TTC19: variants seen among roughly 807,000 people sequenced by gnomAD.
TTC19 encodes the protein tetratricopeptide repeat protein 19, mitochondrial.
Under a neutral mutation model 49.5 loss-of-function variants are expected in TTC19, and 38 were observed. That is an observed-to-expected ratio of 0.77 (90% CI 0.59 to 1.01). The LOEUF (loss-of-function observed/expected upper bound fraction) is 1.01, where lower values mean the gene tolerates loss of function less well. Ranked by LOEUF, TTC19 falls within the 50% of genes least tolerant of loss-of-function variation. TTC19 has a pLI of 0.00. For missense variants in TTC19, 475 were observed against 477.7 expected, an observed-to-expected ratio of 0.99 and a Z score of 0.05; for synonymous variants, 204 against 185.2, an observed-to-expected ratio of 1.10 and a Z score of -0.83.
chr17:16,034,783 C>CT, intron 2 of TTC19: 1 of 1,613,166 alleles, frequency 6.2e-7, no homozygotes, highest in Non-Finnish European at 8.5e-7. Flanking sequence ...GAGGGCCTGT[C>CT]TTCCCAGGCC....
chr17:16,036,753 G>C (rs1321833628), intron 2 of TTC19, among the ~76,000 whole-genome samples: 1 of 152,158 alleles, frequency 6.6e-6, no homozygotes, highest in African/African-American at 2.4e-5. Context: ...GCTTGGATTA[G>C]GATTAGGTTT....
intron 2 of TTC19, chr17:16,041,048 G>A (rs2057466059): frequency 6.5e-6 from 1 of 153,426 alleles, no homozygotes; most frequent in South Asian, 2.0e-4. Context: ...CAACAGGTTT[G>A]AGGCAGCCTG....
At chr17:16,026,413 A>G (rs1971562174) in intron 8 of TTC19, 127 bp from the exon 9 acceptor site, 1 of 835,720 alleles carries the variant, frequency 1.2e-6, no homozygotes, top group East Asian at 2.7e-5. Flanking sequence ...AAAGAATGGT[A>G]TCCCTCATCT....
intron 2 of TTC19, among the ~76,000 whole-genome samples, chr17:16,044,187 A>AT (rs1489152890): frequency 6.6e-6 from 1 of 151,330 alleles, no homozygotes; most frequent in East Asian, 1.9e-4. Context: ...AAAAAAAAAA[A>AT]AGAAAGAAAG....
Position 16,028,735 on chromosome 17 carries a change from C to G in TTC19, c.*1213C>G. On this transcript the variant is annotated 3_prime_UTR_variant, in exon 10 of 10. Coordinates refer to ENST00000261647, the MANE Select transcript of TTC19 (RefSeq NM_017775.4). ...GACTGATAAACTGATACTTTTGGTT[C>G]GTATGTACATACTGGAAGAATCTTC... 2.4e-6 allele frequency: 1 copy of G among 423,858 alleles called. No individual in the cohort carries two copies. The highest frequency in any genetic ancestry group is 1.6e-5 in the South Asian group (1 of 63,378). The allele number at this position is 423,858 out of a possible 1,614,324, so 26.3% of individuals were successfully genotyped here. A position where few individuals can be genotyped will look rare whatever the true frequency, so the allele number is the denominator to read the frequency against.
chr17:16,003,982 G>A (rs1970819903), intron 5 of TTC19, 95 bp downstream of exon 5: 21 of 1,373,920 alleles, frequency 1.5e-5, no homozygotes, highest in Admixed American at 1.3e-4. Context: ...ACATGCTTTG[G>A]TCAGGAAAGG....
chr17:16,044,860 C>T, exon 3 of TTC19: 1 of 821,698 alleles, frequency 1.2e-6, no homozygotes, highest in Admixed American at 1.9e-5. Flanking sequence ...TGGGATCCTG[C>T]CCACTCCACT....
chr17:16,008,583 T>C (rs1970978415), intron 7 of TTC19, among the ~76,000 whole-genome samples: 2 of 152,170 alleles, frequency 1.3e-5, no homozygotes, highest in Non-Finnish European at 2.9e-5. Context: ...TTAGAATCCC[T>C]GCATGGACCT....
intron 4 of TTC19, 49 bp downstream of exon 4, chr17:16,002,880 A>G (rs1567576962): frequency 1.9e-6 from 3 of 1,553,534 alleles, no homozygotes; most frequent in Non-Finnish European, 2.7e-6. Context: ...GAGTAGCTTC[A>G]AGGGAACTGT....
chr17:16,037,902 C>T (rs2056747959), intron 2 of TTC19, among the ~76,000 whole-genome samples: 1 of 152,136 alleles, frequency 6.6e-6, no homozygotes, highest in Non-Finnish European at 1.5e-5. Flanking sequence ...CAAATTTTTT[C>T]CTCAGCCCCA....
rs769843511 is a variant in TTC19, at chr17:16,027,579, C to T, written c.*57C>T. On this transcript the variant is annotated 3_prime_UTR_variant, in exon 10 of 10. Transcript: ENST00000261647. ...GTAATGTGGAAGAATAGCTATCATT[C>T]CTGTCTCTGTGGCACCCGATCAATG... is the stretch of plus-strand genomic sequence containing the variant. 1.3e-6 allele frequency: 2 copies of T among 1,592,546 alleles called. No homozygotes were observed. Among genetic ancestry groups the T allele is most frequent in the Admixed American group, 1.7e-5 (1 of 59,898 alleles).
chr17:16,040,103 A>C (rs920742821), intron 2 of TTC19: 1 of 490,156 alleles, frequency 2.0e-6, no homozygotes, highest in African/African-American at 1.9e-5. Flanking sequence ...AGACCATCTT[A>C]ATCCACAGAT....
At chr17:16,032,355 G>A (rs2151755529), downstream of TTC19, 1 of 1,614,024 alleles carries the variant, frequency 6.2e-7, no homozygotes, top group Non-Finnish European at 8.5e-7. Context: ...GCAGGCTCTC[G>A]CTCCCAGATC....
At position 16,027,857 on chromosome 17, in the gene TTC19, C is replaced by T. The variant is rs117087989; in HGVS notation, c.*335C>T. On this transcript the variant is annotated 3_prime_UTR_variant, in exon 10 of 10. Transcript: ENST00000261647. Reference sequence around the variant, plus strand: ...GTGCGCTGTGGGTGTGGTGATTCAGCCTGGCATTTCTACCATAAGTTTTTG... The same window carrying T: ...GTGCGCTGTGGGTGTGGTGATTCAGTCTGGCATTTCTACCATAAGTTTTTG... The T allele has an allele frequency of 7.7e-3, 3,676 of 474,376 alleles. 31 individuals carry two copies. Among genetic ancestry groups the T allele is most frequent in the Non-Finnish European group, 0.01 (2,431 of 239,694 alleles). The allele number at this position is 474,376 out of a possible 1,614,324, so 29.4% of individuals were successfully genotyped here.
At chr17:16,037,345 G>GC (rs1216166451) in intron 2 of TTC19, among the ~76,000 whole-genome samples, 2 of 152,042 alleles carry the variant, frequency 1.3e-5, no homozygotes, top group East Asian at 3.9e-4. Context: ...ACAAAGGAGA[G>GC]CCCATGCTAT....
chr17:16,038,779 G>A (rs2034141470), intron 2 of TTC19, among the ~76,000 whole-genome samples: 1 of 151,660 alleles, frequency 6.6e-6, no homozygotes, highest in African/African-American at 2.4e-5. Context: ...GTCTGTGTAT[G>A]TATGTATTTT....
At chr17:16,032,279 C>T (rs1246699829), downstream of TTC19, 5 of 1,590,880 alleles carry the variant, frequency 3.1e-6, no homozygotes, top group Admixed American at 1.8e-5. Flanking sequence ...CACCCTGTTC[C>T]CCTCACTTTG....
rs1346059938 is a variant in TTC19, at chr17:16,014,220, C to G, written c.676+7652C>G. On this transcript the variant is annotated intron_variant, in intron 7 of 9. Coordinates refer to ENST00000261647, the MANE Select transcript of TTC19 (RefSeq NM_017775.4). Reference sequence around the variant, plus strand: ...TCTCCAAGTAGATTTGTCCTTACTTCTCATTGGTTAGAATTGGGTTACATG... The same window carrying G: ...TCTCCAAGTAGATTTGTCCTTACTTGTCATTGGTTAGAATTGGGTTACATG... Among the ~76,000 whole-genome samples the G allele has an allele frequency of 2.0e-5, 3 of 152,220 alleles. No homozygotes were observed. The South Asian group carries it at 6.2e-4, about 31-fold the overall frequency.
chr17:16,019,013 C>T (rs1034454254), intron 7 of TTC19, among the ~76,000 whole-genome samples: 3 of 152,078 alleles, frequency 2.0e-5, no homozygotes, highest in African/African-American at 7.2e-5. Context: ...TTTTGTTTGC[C>T]TACTTATTGC....
Sources: gnomAD v4.1 joint callset for allele counts (sites outside exome capture counted in the v4.1 genomes callset) on GRCh38, gnomAD v4.1.1 for gene constraint, MANE v1.5 for transcripts, NCBI Gene and HGNC (gene_info 2026-07-23, HGNC 2026-07-21) for gene names.